The following SPOP variants were observed in gnomAD, a reference collection of about 807,000 sequenced individuals.
SPOP encodes speckle-type POZ protein.
Under a neutral mutation model 45.6 loss-of-function variants are expected in SPOP, and 11 were observed. That is an observed-to-expected ratio of 0.24 (90% confidence interval 0.15 to 0.40). The LOEUF (loss-of-function observed/expected upper bound fraction) is 0.40, where lower values mean the gene tolerates loss of function less well. Among genes scored for constraint, SPOP ranks in the 10% least tolerant of loss-of-function variants. The pLI, the probability that SPOP is intolerant of heterozygous loss-of-function variation, is 1.00. For synonymous variants in SPOP, 166 were observed against 166.3 expected (o/e 1.00, Z 0.01); for missense variants, 152 against 465.6 (o/e 0.33, Z 6.20).
At chr17:49,633,853 T>A (rs778699933) in intron 1 of SPOP, among the ~76,000 whole-genome samples, 2 of 151,928 alleles carry the variant, frequency 1.3e-5, no homozygotes, top group African/African-American at 4.8e-5. Flanking sequence ...CATAACAACA[T>A]CAGAGGAAAA....
At chr17:49,625,994 CTTTATT>C (rs1458743159) in intron 1 of SPOP, among the ~76,000 whole-genome samples, 1 of 152,110 alleles carries the variant, frequency 6.6e-6, no homozygotes, top group Non-Finnish European at 1.5e-5. Flanking sequence ...TAGTGTTCTG[CTTTATT>C]TTTATCGTTT....
chr17:49,609,938 A>T (rs1341925207), intron 6 of SPOP, among the ~76,000 whole-genome samples: 1 of 152,046 alleles, frequency 6.6e-6, no homozygotes, highest in Non-Finnish European at 1.5e-5. Flanking sequence ...GTAGAAAAAA[A>T]GTCTGCTTTG....
At chr17:49,624,216 C>T (rs1446777833) in intron 1 of SPOP, among the ~76,000 whole-genome samples, 1 of 152,046 alleles carries the variant, frequency 6.6e-6, no homozygotes, top group African/African-American at 2.4e-5. Context: ...TAGAGATCTA[C>T]TGTACAACAT....
chr17:49,607,221 T>C (rs1209319996), intron 8 of SPOP, 29 bp downstream of exon 8: 1 of 1,613,720 alleles, frequency 6.2e-7, no homozygotes, highest in Non-Finnish European at 8.5e-7. Context: ...TAACTCCTAG[T>C]CCTGATTATT....
At chr17:49,634,614 G>C (rs1381260357) in intron 1 of SPOP, among the ~76,000 whole-genome samples, 1 of 152,136 alleles carries the variant, frequency 6.6e-6, no homozygotes, top group African/African-American at 2.4e-5. Flanking sequence ...TGTCCAATCT[G>C]CAAGGAATTC....
chr17:49,620,365 G>T (rs150417310), intron 3 of SPOP, among the ~76,000 whole-genome samples: 19 of 151,576 alleles, frequency 1.3e-4, no homozygotes, highest in Non-Finnish European at 4.4e-5. Context: ...CTTCTCTGGA[G>T]GCTGAGGCAG....
chr17:49,607,471 T>C, intron 7 of SPOP, 99 bp from the exon 8 acceptor site: 2 of 1,437,426 alleles, frequency 1.4e-6, no homozygotes, highest in Non-Finnish European at 1.8e-6. Context: ...GAGAGAACTT[T>C]GTATCATTTA....
intron 1 of SPOP, among the ~76,000 whole-genome samples, chr17:49,663,387 G>A (rs961339589): frequency 4.6e-5 from 7 of 152,186 alleles, no homozygotes; most frequent in African/African-American, 1.7e-4. Context: ...AGTCCATGGG[G>A]CCAAAAAGGT....
chr17:49,667,435 G>A (rs747683723), intron 1 of SPOP, among the ~76,000 whole-genome samples: 3 of 148,374 alleles, frequency 2.0e-5, no homozygotes, highest in African/African-American at 5.0e-5. Flanking sequence ...ACTAAAATAC[G>A]AAAATTAGCT....
intron 1 of SPOP, among the ~76,000 whole-genome samples, chr17:49,646,916 G>GA (rs1459841057): frequency 2.6e-5 from 4 of 152,152 alleles, no homozygotes; most frequent in East Asian, 1.9e-4. Context: ...TGTAGAAATG[G>GA]AAAAAATACC....
At chr17:49,658,351 A>G (rs1184225441) in intron 1 of SPOP, among the ~76,000 whole-genome samples, 4 of 152,150 alleles carry the variant, frequency 2.6e-5, no homozygotes, top group Admixed American at 6.5e-5. Flanking sequence ...AAATTATTTC[A>G]TAATCAGCAA....
At chr17:49,648,861 C>G (rs563039531) in intron 1 of SPOP, among the ~76,000 whole-genome samples, 1 of 152,086 alleles carries the variant, frequency 6.6e-6, no homozygotes, top group African/African-American at 2.4e-5. Context: ...GGGTTCATGC[C>G]ATTCTCCTGC....
chr17:49,665,125 T>C (rs1268983515), intron 1 of SPOP, among the ~76,000 whole-genome samples: 1 of 152,170 alleles, frequency 6.6e-6, no homozygotes, highest in Admixed American at 6.5e-5. Flanking sequence ...CAAATTATAA[T>C]AAGGTTCCCT....
intron 1 of SPOP, among the ~76,000 whole-genome samples, chr17:49,645,605 T>C (rs2072742697): frequency 6.6e-6 from 1 of 151,990 alleles, no homozygotes; most frequent in South Asian, 2.1e-4. Context: ...AGAAAGCACA[T>C]CTTAAATAAA....
At chr17:49,653,307 C>A (rs976640103) in intron 1 of SPOP, among the ~76,000 whole-genome samples, 1 of 151,822 alleles carries the variant, frequency 6.6e-6, no homozygotes, top group Non-Finnish European at 1.5e-5. Flanking sequence ...AGTAAGTTTC[C>A]TTCTAGATTT....
intron 1 of SPOP, among the ~76,000 whole-genome samples, chr17:49,677,455 GA>G (rs1413086440): frequency 6.6e-6 from 1 of 152,218 alleles, no homozygotes; most frequent in East Asian, 1.9e-4. Flanking sequence ...CTTTGGACAG[GA>G]GCAACAGGCT....
In SPOP at chr17:49,600,648, C is replaced by T. The variant is rs1037777133; in HGVS notation, c.981-126G>A. ...GTGTCAATGCAAGAAACAGAAGAAC[C>T]CTTAATATGCATAAGAATTTGCTTG... On this transcript the variant is annotated intron_variant, in intron 9 of 9. Transcript: ENST00000504102. The surrounding 1 kb of genome is among the most constrained non-coding windows in gnomAD (Gnocchi z 4.2). The T allele has an allele frequency of 1.0e-6, 1 of 978,288 alleles. No individual in the cohort carries two copies. The highest frequency in any genetic ancestry group is 1.5e-6 in the Non-Finnish European group (1 of 660,758). 60.6% of individuals were successfully genotyped at this position (978,288 alleles called of 1,614,324 possible).
At chr17:49,614,568 T>C (rs945040343) in intron 5 of SPOP, among the ~76,000 whole-genome samples, 1 of 152,172 alleles carries the variant, frequency 6.6e-6, no homozygotes, top group African/African-American at 2.4e-5. Flanking sequence ...TTCCAAGTTA[T>C]TGGTCATATT....
chr17:49,622,494 G>A (rs2072239503), intron 2 of SPOP: 1 of 562,552 alleles, frequency 1.8e-6, no homozygotes, highest in Admixed American at 3.1e-5. Flanking sequence ...GGCAATGTAA[G>A]CAGATCTAGT....
Sources: allele counts gnomAD v4.1 joint callset (sites outside exome capture counted in the v4.1 genomes callset), GRCh38; gene constraint gnomAD v4.1.1; non-coding constraint Gnocchi (gnomAD v3.1); transcripts MANE v1.5; gene names NCBI Gene and HGNC (gene_info 2026-07-23, HGNC 2026-07-21).